The following ARB2A variants were observed in gnomAD, a reference collection of about 807,000 sequenced individuals.
ARB2A encodes cotranscriptional regulator ARB2A.
At chr5:94,050,878 C>T in the ARB2A span, 3 of 1,283,030 alleles carry the variant, frequency 2.3e-6, 1 homozygote, top group South Asian at 2.6e-5. Context: ...AGTATATTGA[C>T]AATAATATAA....
the ARB2A span, among the ~76,000 whole-genome samples, chr5:93,890,884 T>C: frequency 2.0e-5 from 3 of 152,102 alleles, no homozygotes; most frequent in African/African-American, 7.2e-5. Flanking sequence ...CTTGTTAAAA[T>C]CCCTACCTAC....
the ARB2A span, among the ~76,000 whole-genome samples, chr5:93,911,628 C>CCCCACACACA: frequency 1.3e-5 from 2 of 148,672 alleles, no homozygotes; most frequent in Non-Finnish European, 3.0e-5. Flanking sequence ...GCATTAGTCA[C>CCCCACACACA]CACACACACA....
chr5:93,817,680 G>T, the ARB2A span, among the ~76,000 whole-genome samples: 5 of 152,126 alleles, frequency 3.3e-5, no homozygotes, highest in Non-Finnish European at 7.4e-5. Flanking sequence ...ATAGTCTATG[G>T]ATTTTGACAA....
the ARB2A span, among the ~76,000 whole-genome samples, chr5:93,913,640 T>C: frequency 6.6e-6 from 1 of 151,962 alleles, no homozygotes; most frequent in African/African-American, 2.4e-5. Flanking sequence ...AGTTCAGAAC[T>C]CTCAAATAGC....
chr5:93,824,285 G>T, the ARB2A span: 1 of 1,537,046 alleles, frequency 6.5e-7, no homozygotes, highest in Non-Finnish European at 8.8e-7. Flanking sequence ...GGAAACAAAT[G>T]TCATATATTA....
At chr5:93,924,155 C>T in the ARB2A span, among the ~76,000 whole-genome samples, 1 of 152,046 alleles carries the variant, frequency 6.6e-6, no homozygotes, top group South Asian at 2.1e-4. Flanking sequence ...CTACTTGTAG[C>T]TACACGATGA....
At chr5:93,793,385 A>C in the ARB2A span, among the ~76,000 whole-genome samples, 1 of 151,456 alleles carries the variant, frequency 6.6e-6, no homozygotes, top group African/African-American at 2.4e-5. Flanking sequence ...CAGGCAGCCT[A>C]CATCTTTTAA....
chr5:93,688,767 C>A, the ARB2A span, among the ~76,000 whole-genome samples: 2 of 152,118 alleles, frequency 1.3e-5, no homozygotes, highest in African/African-American at 4.8e-5. Context: ...ATTGCCCAAA[C>A]CAAAAGCCTG....
chr5:93,959,348 G>C, the ARB2A span, among the ~76,000 whole-genome samples: 5 of 151,958 alleles, frequency 3.3e-5, no homozygotes, highest in Admixed American at 3.3e-4. Flanking sequence ...AACCCATTTA[G>C]GTGGTACTAT....
chr5:93,931,964 T>C, the ARB2A span, among the ~76,000 whole-genome samples: 2 of 152,208 alleles, frequency 1.3e-5, no homozygotes. Context: ...TATATGTTTG[T>C]TCATTCTTAT....
chr5:93,900,605 C>G, the ARB2A span, among the ~76,000 whole-genome samples: 1 of 136,174 alleles, frequency 7.3e-6, no homozygotes, highest in East Asian at 2.1e-4. Flanking sequence ...CAGAGTGAGA[C>G]GCTGTCTCAA....
the ARB2A span, among the ~76,000 whole-genome samples, chr5:94,031,785 C>G: frequency 5.3e-5 from 8 of 152,204 alleles, no homozygotes; most frequent in Non-Finnish European, 8.8e-5. Context: ...AATTCCAGTG[C>G]AGCTCTCCTC....
At chr5:94,048,215 T>A in the ARB2A span, among the ~76,000 whole-genome samples, 1 of 151,964 alleles carries the variant, frequency 6.6e-6, no homozygotes, top group Non-Finnish European at 1.5e-5. Flanking sequence ...ACACCACACC[T>A]GGCTAATTTT....
chr5:94,060,322 A>C, the ARB2A span, among the ~76,000 whole-genome samples: 2 of 152,206 alleles, frequency 1.3e-5, no homozygotes, highest in Admixed American at 1.3e-4. Flanking sequence ...ACTGCACTCC[A>C]GCCAGGGCCA....
the ARB2A span, among the ~76,000 whole-genome samples, chr5:93,648,619 G>A: frequency 6.6e-6 from 1 of 152,112 alleles, no homozygotes; most frequent in Non-Finnish European, 1.5e-5. Context: ...CAAAATATTT[G>A]AGGCTTATAT....
chr5:93,939,490 TAAGCCTGAGTACC>T, the ARB2A span, among the ~76,000 whole-genome samples: 1 of 152,092 alleles, frequency 6.6e-6, no homozygotes, highest in Non-Finnish European at 1.5e-5. Flanking sequence ...TTAAAATTGC[TAAGCCTGAGTACC>T]ACTATGAAAT....
the ARB2A span, among the ~76,000 whole-genome samples, chr5:94,066,521 T>A: frequency 6.7e-6 from 1 of 149,130 alleles, no homozygotes; most frequent in African/African-American, 2.5e-5. Flanking sequence ...TCAATACAAT[T>A]ACCACAGTAA....
chr5:93,682,079 G>C, the ARB2A span, among the ~76,000 whole-genome samples: 1 of 151,982 alleles, frequency 6.6e-6, no homozygotes, highest in Admixed American at 6.6e-5. Flanking sequence ...TAAAGAAATA[G>C]CTTTAATTCA....
chr5:93,824,391 T>C, the ARB2A span: 1 of 530,306 alleles, frequency 1.9e-6, no homozygotes. Flanking sequence ...TCATTCAAAA[T>C]AAAAATAATA....
Sources: gnomAD v4.1 joint callset for allele counts (sites outside exome capture counted in the v4.1 genomes callset) on GRCh38, gnomAD v4.1.1 for gene constraint, MANE v1.5 for transcripts, NCBI Gene and HGNC (gene_info 2026-07-23, HGNC 2026-07-21) for gene names.